ANGPT2: variants seen among roughly 807,000 people sequenced by gnomAD.
ANGPT2 encodes angiopoietin 2.
In ANGPT2, 28 loss-of-function variants were observed where a neutral mutation model predicts 62.9. The ratio of observed to expected loss-of-function variants is 0.44; its 90% CI spans 0.33 to 0.61. The LOEUF is 0.61. Among genes scored for constraint, ANGPT2 ranks in the 20% least tolerant of loss-of-function variants. The pLI is 0.03. For missense variants in ANGPT2, 727 were observed against 594.9 expected (o/e 1.22, Z -2.31); for synonymous variants, 284 against 207.8 (o/e 1.37, Z -3.15).
chr8:6,509,171 C>A, intron 7 of ANGPT2, 109 bp from the exon 8 acceptor site: 1 of 1,369,208 alleles, frequency 7.3e-7, no homozygotes, highest in South Asian at 1.4e-5. Flanking sequence ...GTTCTGTACT[C>A]GTTAATGGAC....
At position 6,502,752 on chromosome 8, in the gene ANGPT2, AGT is replaced by A. The variant is rs1812440864; in HGVS notation, c.*347_*348del. On this transcript the variant is annotated 3_prime_UTR_variant, in exon 9 of 9. Transcript: ENST00000629816. ...AAGATGATCTGTATTGTATAACATA[AGT>A]GTTCTGTTTTCCAGTTATTTACTGA... The A allele has an allele frequency of 3.4e-6, 1 of 290,850 alleles. No individual in the cohort carries two copies. 18.0% of individuals were successfully genotyped at this position (290,850 alleles called of 1,614,324 possible).
chr8:6,513,915 G>A (rs148140157), intron 6 of ANGPT2, 71 bp from the exon 7 acceptor site: 62 of 1,366,036 alleles, frequency 4.5e-5, no homozygotes, highest in Middle Eastern at 3.7e-4. Flanking sequence ...TGGATAGTCC[G>A]TCAACTTAAC....
intron 1 of ANGPT2, among the ~76,000 whole-genome samples, chr8:6,543,688 C>G (rs887187632): frequency 6.6e-6 from 1 of 152,226 alleles, no homozygotes; most frequent in Non-Finnish European, 1.5e-5. Context: ...TCGTGCTTTT[C>G]TGAACTATTT....
chr8:6,548,309 G>A (rs539411260), intron 1 of ANGPT2, among the ~76,000 whole-genome samples: 4 of 152,188 alleles, frequency 2.6e-5, no homozygotes, highest in East Asian at 1.9e-4. Flanking sequence ...CTACTCGTGC[G>A]TCACTTCCCA....
chr8:6,532,582 A>G (rs1468255217), intron 1 of ANGPT2, 95 bp from the exon 2 acceptor site: 2 of 887,786 alleles, frequency 2.3e-6, no homozygotes, highest in Non-Finnish European at 1.6e-6. Flanking sequence ...TTTAAAAAAA[A>G]AAAAAAAAAA....
chr8:6,514,763 C>T lies in ANGPT2; in HGVS notation c.943G>A (p.Glu315Lys). Residue 315 changes from glutamate to lysine, a missense_variant, in exon 6 of 9, where the codon GAA (glutamate) becomes AAA (lysine). Transcript: ENST00000629816. ...TEEIKAYCDM[E>K]AGGGGWTIIQ... ...ATTGTCCACCCGCCTCCTCCAGCTT[C>T]CATGTCACAGTAGGCCTGCAAACAG... 1 of 1,614,056 alleles carries T rather than the reference C, an allele frequency of 6.2e-7. No individual in the cohort carries two copies. Among genetic ancestry groups the T allele is most frequent in the Non-Finnish European group, 8.5e-7 (1 of 1,180,002 alleles).
At chr8:6,509,745 A>G (rs571063688) in intron 7 of ANGPT2, among the ~76,000 whole-genome samples, 4 of 152,310 alleles carry the variant, frequency 2.6e-5, no homozygotes, top group African/African-American at 9.6e-5. Flanking sequence ...AATGCATGGA[A>G]TACACCTGAC....
In ANGPT2 at chr8:6,504,771, T is replaced by G. The variant is rs187105872; in HGVS notation, c.1328-1510A>C. 2.0e-5 allele frequency among the ~76,000 whole-genome samples: 3 copies of G among 152,302 alleles called. No individual in the cohort carries two copies. In the East Asian group the frequency reaches 5.8e-4, roughly 29 times the overall value. On this transcript the variant is annotated intron_variant, in intron 8 of 8. Coordinates refer to ENST00000629816, the MANE Select transcript of ANGPT2 (RefSeq NM_001118887.2). ...GTATATTATTCAGTTTTATTATTGT[T>G]AAGTCTCTTGTGACTAGTTTACAAA...
At chr8:6,522,263 G>A (rs1004441636) in intron 3 of ANGPT2, among the ~76,000 whole-genome samples, 1 of 152,156 alleles carries the variant, frequency 6.6e-6, no homozygotes, top group East Asian at 1.9e-4. Flanking sequence ...GCTGAGGCAG[G>A]AGAATGGCGT....
chr8:6,510,579 G>T (rs945773406), intron 7 of ANGPT2, among the ~76,000 whole-genome samples: 4 of 152,206 alleles, frequency 2.6e-5, no homozygotes, highest in African/African-American at 9.7e-5. Context: ...ACCTGCAGTG[G>T]TGGCCGCCAT....
In ANGPT2 at chr8:6,514,762, T is replaced by G. The variant is rs761227946; in HGVS notation, c.944A>C (p.Glu315Ala). The G allele has an allele frequency of 1.8e-5, 29 of 1,613,970 alleles. No individual in the cohort carries two copies. The highest frequency in any genetic ancestry group is 2.4e-5 in the Non-Finnish European group (28 of 1,179,966). ...AATTGTCCACCCGCCTCCTCCAGCTTCCATGTCACAGTAGGCCTGCAAACA... is the reference window on the plus strand; with the variant it reads ...AATTGTCCACCCGCCTCCTCCAGCTGCCATGTCACAGTAGGCCTGCAAACA... Reference protein sequence around the residue: ...TEEIKAYCDMEAGGGGWTIIQ... With the variant: ...TEEIKAYCDMAAGGGGWTIIQ... Residue 315 changes from glutamate to alanine, a missense_variant, in exon 6 of 9, where the codon GAA becomes GCA. Physicochemically the swap from Glu to Ala is moderately radical, Grantham distance 107. Transcript: ENST00000629816.
rs1456678050 is a variant in ANGPT2, at chr8:6,509,006, G to A, written c.1253C>T (p.Pro418Leu). 1 of 1,614,072 alleles carries A rather than the reference G, an allele frequency of 6.2e-7. No individual in the cohort carries two copies. The change falls in exon 8 of 9, where the codon CCA becomes CTA. Residue 418 changes from proline to leucine, a missense_variant. Pro to Leu is a moderately conservative substitution (Grantham distance 98). Coordinates refer to ENST00000629816, the MANE Select transcript of ANGPT2 (RefSeq NM_001118887.2). The part of the protein sequence containing the change: ...TAGKISSISQ[P>L]GNDFSTKDGD... Reference sequence around the variant, plus strand: ...ATCCTTTGTGCTAAAATCATTTCCTGGTTGGCTGATGCTGCTTATTTTGCC... The same window carrying A: ...ATCCTTTGTGCTAAAATCATTTCCTAGTTGGCTGATGCTGCTTATTTTGCC...
chr8:6,515,168 T>C (rs1189025441), intron 5 of ANGPT2, among the ~76,000 whole-genome samples: 1 of 151,930 alleles, frequency 6.6e-6, no homozygotes. Context: ...TAGAAAACCA[T>C]TGACTTGTGT....
At chr8:6,555,047 A>G (rs1178214066) in intron 1 of ANGPT2, among the ~76,000 whole-genome samples, 1 of 152,310 alleles carries the variant, frequency 6.6e-6, no homozygotes, top group South Asian at 2.1e-4. Context: ...TAAACCACAC[A>G]TAAAACAGTC....
At chr8:6,531,890 G>C (rs955334143) in intron 2 of ANGPT2, among the ~76,000 whole-genome samples, 1 of 152,186 alleles carries the variant, frequency 6.6e-6, no homozygotes, top group Non-Finnish European at 1.5e-5. Flanking sequence ...GTTAGCTGTT[G>C]AGATTCAGGT....
intron 1 of ANGPT2, among the ~76,000 whole-genome samples, chr8:6,549,773 T>C (rs906192764): frequency 1.3e-5 from 2 of 152,226 alleles, no homozygotes; most frequent in Non-Finnish European, 2.9e-5. Flanking sequence ...GCAAGTCCTC[T>C]ATATCTTGAG....
intron 8 of ANGPT2, among the ~76,000 whole-genome samples, chr8:6,505,048 A>G (rs1484783530): frequency 1.3e-5 from 2 of 151,470 alleles, no homozygotes; most frequent in Non-Finnish European, 2.9e-5. Context: ...ATATCTCCAT[A>G]TGTAGGAAAA....
intron 8 of ANGPT2, among the ~76,000 whole-genome samples, chr8:6,506,747 T>C (rs1448372083): frequency 1.3e-5 from 2 of 151,174 alleles, no homozygotes; most frequent in South Asian, 2.1e-4. Context: ...TACCAAATAG[T>C]AGTCATATTA....
Position 6,514,902 on chromosome 8 carries a change from G to T in ANGPT2, c.928-124C>A. On this transcript the variant is annotated intron_variant, in intron 5 of 8. Coordinates refer to ENST00000629816, the MANE Select transcript of ANGPT2 (RefSeq NM_001118887.2). Reference sequence around the variant, plus strand: ...CCGAGAGGGTTCTCTGGGATATAAGGCACGGAGTAGACCATCGGGGTTGTC... The same window carrying T: ...CCGAGAGGGTTCTCTGGGATATAAGTCACGGAGTAGACCATCGGGGTTGTC... The T allele has an allele frequency of 4.2e-6, 3 of 715,262 alleles. No homozygotes were observed. In the East Asian group the frequency reaches 7.5e-5, roughly 18 times the overall value. 44.3% of individuals were successfully genotyped at this position (715,262 alleles called of 1,614,324 possible).
Sources: gnomAD v4.1 joint callset for allele counts (sites outside exome capture counted in the v4.1 genomes callset) on GRCh38, gnomAD v4.1.1 for gene constraint, MANE v1.5 for transcripts, NCBI Gene and HGNC (gene_info 2026-07-23, HGNC 2026-07-21) for gene names.